Variants in EYS observed in about 807,000 individuals in gnomAD.
EYS encodes the protein protein eyes shut homolog.
A neutral mutation model predicts 282.1 loss-of-function variants in EYS; 250 were observed. The observed-to-expected ratio is 0.89, with a 90% CI of 0.80 to 0.98. The LOEUF is 0.98. Ranked by LOEUF, EYS falls within the 50% of genes least tolerant of loss-of-function variation. The probability of loss-of-function intolerance (pLI) is 0.00; values close to 1 mark genes in which losing one functional copy is unlikely to be tolerated. For missense variants in EYS, 4,016 were observed against 3,709.0 expected, an observed-to-expected ratio of 1.08 and a Z score of -2.15; for synonymous variants, 1,355 against 1,282.9, an observed-to-expected ratio of 1.06 and a Z score of -1.20.
chr6:64,097,437 C>G (rs1257539042), intron 31 of EYS, among the ~76,000 whole-genome samples: 1 of 152,192 alleles, frequency 6.6e-6, no homozygotes, highest in South Asian at 2.1e-4. Flanking sequence ...TTTACCTACT[C>G]AAGCCTCATC....
At chr6:63,791,642 G>C (rs1249788173) in intron 37 of EYS, among the ~76,000 whole-genome samples, 1 of 151,792 alleles carries the variant, frequency 6.6e-6, no homozygotes, top group East Asian at 1.9e-4. Context: ...TTTAGTGCCT[G>C]TGGCAGGAAA....
At chr6:65,043,042 C>A (rs1772986576) in intron 13 of EYS, among the ~76,000 whole-genome samples, 1 of 151,352 alleles carries the variant, frequency 6.6e-6, no homozygotes, top group African/African-American at 2.4e-5. Flanking sequence ...GCCTGAAAAT[C>A]TAGATATCTT....
At chr6:65,435,557 A>T (rs2150387756) in intron 5 of EYS, among the ~76,000 whole-genome samples, 1 of 152,246 alleles carries the variant, frequency 6.6e-6, no homozygotes, top group South Asian at 2.1e-4. Context: ...TAAAGTTAAC[A>T]ATTTTAACTG....
chr6:64,986,409 A>C (rs934375078), intron 14 of EYS, among the ~76,000 whole-genome samples: 9 of 151,548 alleles, frequency 5.9e-5, no homozygotes, highest in African/African-American at 1.9e-4. Context: ...AGGCAGTACA[A>C]AATAAATTCA....
chr6:64,058,981 T>G (rs1456488053), intron 33 of EYS, among the ~76,000 whole-genome samples: 1 of 152,200 alleles, frequency 6.6e-6, no homozygotes, highest in East Asian at 1.9e-4. Flanking sequence ...TTTTTATTTG[T>G]TATCCTCTGC....
intron 12 of EYS, among the ~76,000 whole-genome samples, chr6:65,266,993 G>T (rs373187669): frequency 0.012 from 1,430 of 120,908 alleles, 13 homozygotes; most frequent in African/African-American, 0.029. Flanking sequence ...TATATATAGA[G>T]AGAGAGAGAG....
At chr6:65,377,382 CAGGGAAATTTAT>C (rs1310359017) in intron 8 of EYS, among the ~76,000 whole-genome samples, 1 of 152,054 alleles carries the variant, frequency 6.6e-6, no homozygotes, top group Non-Finnish European at 1.5e-5. Context: ...GCACTATTTA[CAGGGAAATTTAT>C]AGCACCAGAT....
chr6:65,132,545 A>T (rs1272950994), intron 12 of EYS, among the ~76,000 whole-genome samples: 1 of 152,044 alleles, frequency 6.6e-6, no homozygotes, highest in Non-Finnish European at 1.5e-5. Context: ...CAAACTAGGT[A>T]TTGAAGGAAC....
intron 14 of EYS, among the ~76,000 whole-genome samples, chr6:64,971,297 T>C (rs35047079): frequency 0.52 from 40,901 of 79,268 alleles, 6,986 homozygotes; most frequent in African/African-American, 0.64. Flanking sequence ...TGTCCTATTC[T>C]AGAAAAAAAA....
chr6:64,075,540 A>T, intron 32 of EYS, among the ~76,000 whole-genome samples: 1 of 152,118 alleles, frequency 6.6e-6, no homozygotes, highest in South Asian at 2.1e-4. Context: ...AATAAAAATG[A>T]AAACTCCAAA....
intron 22 of EYS, among the ~76,000 whole-genome samples, chr6:64,778,502 G>A (rs1773750303): frequency 6.6e-6 from 1 of 152,096 alleles, no homozygotes; most frequent in Non-Finnish European, 1.5e-5. Context: ...CAGCTATAAT[G>A]GAATACAACT....
intron 19 of EYS, among the ~76,000 whole-genome samples, chr6:64,846,359 A>G (rs1181887668): frequency 6.6e-6 from 1 of 152,140 alleles, no homozygotes; most frequent in African/African-American, 2.4e-5. Context: ...TCACGTTCTC[A>G]AGACTAATGG....
At chr6:64,884,955 A>G (rs989890541) in intron 19 of EYS, among the ~76,000 whole-genome samples, 2 of 151,642 alleles carry the variant, frequency 1.3e-5, no homozygotes, top group African/African-American at 4.8e-5. Flanking sequence ...TTATAGAAAG[A>G]CTCAATACAG....
chr6:64,209,835 G>T (rs1192673784), intron 31 of EYS, among the ~76,000 whole-genome samples: 4 of 152,012 alleles, frequency 2.6e-5, no homozygotes, highest in Non-Finnish European at 4.4e-5. Context: ...TTGTGGCTCT[G>T]TTTTTTAATG....
At chr6:64,971,997 T>C (rs1770311403) in intron 14 of EYS, among the ~76,000 whole-genome samples, 1 of 151,810 alleles carries the variant, frequency 6.6e-6, no homozygotes, top group South Asian at 2.1e-4. Flanking sequence ...ATTGTGGATA[T>C]GGCAAAAAAA....
chr6:65,666,239 G>A (rs547781064), intron 1 of EYS, among the ~76,000 whole-genome samples: 1 of 151,826 alleles, frequency 6.6e-6, no homozygotes, highest in Non-Finnish European at 1.5e-5. Flanking sequence ...TATATAATAG[G>A]TTGTCAAACA....
chr6:65,327,582 A>C (rs181515585), intron 11 of EYS, among the ~76,000 whole-genome samples: 1 of 151,694 alleles, frequency 6.6e-6, no homozygotes, highest in African/African-American at 2.4e-5. Flanking sequence ...TTAATAGTGC[A>C]TTTTTGGTTT....
At chr6:65,425,148 T>G (rs570843613) in intron 5 of EYS, among the ~76,000 whole-genome samples, 6 of 152,226 alleles carry the variant, frequency 3.9e-5, no homozygotes, top group African/African-American at 1.2e-4. Flanking sequence ...ATATTGTGGT[T>G]AGTTATTCTT....
At chr6:65,330,821 C>A in intron 11 of EYS, 1 of 944,198 alleles carries the variant, frequency 1.1e-6, no homozygotes, top group Non-Finnish European at 1.3e-6. Context: ...ACTTTTAGAT[C>A]CCTATACACA....
Sources: allele counts gnomAD v4.1 joint callset (sites outside exome capture counted in the v4.1 genomes callset), GRCh38; gene constraint gnomAD v4.1.1; transcripts MANE v1.5; gene names NCBI Gene and HGNC (gene_info 2026-07-23, HGNC 2026-07-21).